MEF2A: variants seen among roughly 807,000 people sequenced by gnomAD.
The protein encoded by MEF2A is myocyte enhancer factor 2A, also known as myocyte-specific enhancer factor 2A.
A neutral mutation model predicts 55.8 loss-of-function variants in MEF2A; 28 were observed. That is an observed-to-expected ratio of 0.50 (90% CI 0.37 to 0.69). The LOEUF is 0.69. Ranked by LOEUF, MEF2A falls within the 30% of genes least tolerant of loss-of-function variation. The pLI is 0.00. For synonymous variants in MEF2A, 239 were observed against 227.1 expected, an observed-to-expected ratio of 1.05 and a Z score of -0.47; for missense variants, 528 against 626.2, an observed-to-expected ratio of 0.84 and a Z score of 1.67.
At chr15:99,647,623 A>G (rs1183561418) in intron 4 of MEF2A, among the ~76,000 whole-genome samples, 4 of 152,164 alleles carry the variant, frequency 2.6e-5, no homozygotes, top group Non-Finnish European at 5.9e-5. Context: ...AAGAGAGCAG[A>G]TCCCAAACAT....
Position 99,610,515 on chromosome 15 carries a change from A to C in MEF2A, c.-143+12004A>C, listed in dbSNP as rs527997059. On this transcript the variant is annotated intron_variant, in intron 2 of 11. Coordinates refer to ENST00000557942, the MANE Select transcript of MEF2A (RefSeq NM_001319206.4). ...AGCCAAAACAATCTTTAAAAAGGAT[A>C]AAGTTGGAGGCCTCCCACTTTTGAA... Among the ~76,000 whole-genome samples, 6 of 149,898 alleles carry C rather than the reference A, an allele frequency of 4.0e-5. No homozygotes were observed. In the South Asian group the frequency reaches 1.3e-3, roughly 32 times the overall value.
At chr15:99,683,826 T>G (rs939183958) in intron 7 of MEF2A, among the ~76,000 whole-genome samples, 1 of 152,232 alleles carries the variant, frequency 6.6e-6, no homozygotes, top group African/African-American at 2.4e-5. Context: ...GTGTACCCTG[T>G]ACCCAATATG....
At chr15:99,661,087 A>G (rs2048541787) in intron 4 of MEF2A, among the ~76,000 whole-genome samples, 1 of 152,216 alleles carries the variant, frequency 6.6e-6, no homozygotes, top group Admixed American at 6.5e-5. Flanking sequence ...AAACAGGACC[A>G]TGCATATTTA....
At chr15:99,612,465 G>A (rs72760522) in intron 2 of MEF2A, among the ~76,000 whole-genome samples, 30,459 of 151,860 alleles carry the variant, frequency 0.2, 3,525 homozygotes, top group South Asian at 0.29. Context: ...GGTGAGTTTT[G>A]CGGTATATGA....
At chr15:99,568,021 C>A (rs569338963) in intron 1 of MEF2A, among the ~76,000 whole-genome samples, 1 of 152,228 alleles carries the variant, frequency 6.6e-6, no homozygotes, top group South Asian at 2.1e-4. Context: ...TTAGTGAAAA[C>A]AGTGACTGTG....
At chr15:99,621,167 A>G (rs2041108423) in intron 2 of MEF2A, 1 of 152,232 alleles carries the variant, frequency 6.6e-6, no homozygotes, top group Admixed American at 6.5e-5. Flanking sequence ...GTCTATCTAC[A>G]GAATATTTAA....
At chr15:99,636,913 G>A (rs573468510) in intron 3 of MEF2A, among the ~76,000 whole-genome samples, 94 of 152,134 alleles carry the variant, frequency 6.2e-4, no homozygotes, top group African/African-American at 2.2e-3. Context: ...TGGATATTTA[G>A]TTGTCCCAGT....
intron 4 of MEF2A, among the ~76,000 whole-genome samples, chr15:99,655,622 C>T (rs181951564): frequency 6.6e-6 from 1 of 152,048 alleles, no homozygotes; most frequent in East Asian, 1.9e-4. Context: ...TCACTTATTA[C>T]TCATGATAGG....
At chr15:99,636,421 A>G (rs535102959) in intron 3 of MEF2A, among the ~76,000 whole-genome samples, 1 of 152,234 alleles carries the variant, frequency 6.6e-6, no homozygotes, top group African/African-American at 2.4e-5. Context: ...ATCATAGGTC[A>G]CTGTAACTCA....
intron 7 of MEF2A, among the ~76,000 whole-genome samples, chr15:99,681,524 C>A (rs1012034340): frequency 6.6e-6 from 1 of 152,190 alleles, no homozygotes; most frequent in African/African-American, 2.4e-5. Context: ...GTATATGCTT[C>A]AGCATTCATG....
intron 4 of MEF2A, among the ~76,000 whole-genome samples, chr15:99,663,067 G>A (rs2048935950): frequency 6.6e-6 from 1 of 152,056 alleles, no homozygotes; most frequent in Non-Finnish European, 1.5e-5. Flanking sequence ...TAATAAAGTT[G>A]AGCGTATGTT....
chr15:99,591,139 C>T (rs1048356501), intron 1 of MEF2A, among the ~76,000 whole-genome samples: 1 of 152,186 alleles, frequency 6.6e-6, no homozygotes, highest in Non-Finnish European at 1.5e-5. Flanking sequence ...CATTAGGGCT[C>T]ACTCTGTGAT....
At chr15:99,598,403 G>T (rs1014282035) in intron 1 of MEF2A, 27 bp from the exon 2 acceptor site, 1 of 152,120 alleles carries the variant, frequency 6.6e-6, no homozygotes, top group African/African-American at 2.4e-5. Context: ...GAACAATAAT[G>T]CATCTCAAAT....
At chr15:99,661,428 T>TA (rs2048617437) in intron 4 of MEF2A, among the ~76,000 whole-genome samples, 2 of 151,216 alleles carry the variant, frequency 1.3e-5, no homozygotes, top group African/African-American at 4.8e-5. Flanking sequence ...TTTTTTTTTT[T>TA]AATGCTACAT....
chr15:99,674,735 C>A, intron 6 of MEF2A, 123 bp downstream of exon 6: 1 of 788,328 alleles, frequency 1.3e-6, no homozygotes, highest in South Asian at 1.8e-5. Context: ...ATCACTGATA[C>A]ATAATTGGCC....
intron 2 of MEF2A, among the ~76,000 whole-genome samples, chr15:99,615,185 C>G (rs1171268343): frequency 6.6e-6 from 1 of 152,050 alleles, no homozygotes; most frequent in Non-Finnish European, 1.5e-5. Flanking sequence ...TTTGAGATAC[C>G]TGTAGGGTAT....
At chr15:99,638,654 A>G (rs758935144) in intron 3 of MEF2A, among the ~76,000 whole-genome samples, 24 of 152,040 alleles carry the variant, frequency 1.6e-4, no homozygotes, top group Non-Finnish European at 3.2e-4. Context: ...TTTCATTTTT[A>G]TGGAAATGGC....
intron 2 of MEF2A, among the ~76,000 whole-genome samples, chr15:99,604,393 A>G (rs964381966): frequency 2.6e-5 from 4 of 151,950 alleles, no homozygotes; most frequent in African/African-American, 9.7e-5. Context: ...CTTCAAGTTC[A>G]CTGATCTTTT....
chr15:99,643,690 C>G (rs1296196086), intron 3 of MEF2A, among the ~76,000 whole-genome samples: 4 of 150,538 alleles, frequency 2.7e-5, no homozygotes, highest in Non-Finnish European at 5.9e-5. Context: ...CTCCAGTGTT[C>G]ATGCCATTCT....
Sources: allele counts gnomAD v4.1 joint callset (sites outside exome capture counted in the v4.1 genomes callset), GRCh38; gene constraint gnomAD v4.1.1; transcripts MANE v1.5; gene names NCBI Gene and HGNC (gene_info 2026-07-23, HGNC 2026-07-21).